Variants in SGCD observed in about 807,000 individuals in gnomAD.
The protein encoded by SGCD is delta-sarcoglycan.
SGCD carries 18 observed loss-of-function variants against 36.6 expected under a neutral mutation model. The observed-to-expected ratio is 0.49, with a 90% CI of 0.34 to 0.73. SGCD has a LOEUF of 0.73. Among genes scored for constraint, SGCD ranks in the 30% least tolerant of loss-of-function variants. SGCD has a pLI of 0.01. For missense variants in SGCD, 387 were observed against 346.7 expected (o/e 1.12, Z -0.92); for synonymous variants, 133 against 130.6 (o/e 1.02, Z -0.12).
At position 156,053,479 on chromosome 5, in the gene SGCD, T is replaced by C. The variant is rs1759974303; in HGVS notation, c.-281-64399T>C. On this transcript the variant is annotated intron_variant, in intron 1 of 9. Transcript: ENST00000517913. ...AAACTCCAAGCACTCAGTATGCTCC[T>C]TTGTCCCATTGAACTTCACTTATAA... Among the ~76,000 whole-genome samples, 2 of 146,212 alleles carry C rather than the reference T, an allele frequency of 1.4e-5. 1 individual carries two copies. Among genetic ancestry groups the C allele is most frequent in the Non-Finnish European group, 3.1e-5 (2 of 64,818 alleles).
chr5:156,239,875 G>A (rs183515199), intron 3 of SGCD, among the ~76,000 whole-genome samples: 333 of 152,302 alleles, frequency 2.2e-3, no homozygotes, highest in Non-Finnish European at 3.6e-3. Context: ...AACTACTCTA[G>A]TAGTTTGCTG....
At chr5:155,899,178 C>G (rs530824106) in intron 1 of SGCD, among the ~76,000 whole-genome samples, 1 of 152,306 alleles carries the variant, frequency 6.6e-6, no homozygotes, top group South Asian at 2.1e-4. Context: ...CCATTCTGAT[C>G]ATAACTTCAG....
chr5:156,098,637 T>TACACACAC (rs1347246031), intron 1 of SGCD, among the ~76,000 whole-genome samples: 3 of 119,286 alleles, frequency 2.5e-5, no homozygotes, highest in Non-Finnish European at 4.9e-5. Context: ...GTTGCATGTG[T>TACACACAC]ATACACACAC....
At chr5:156,193,633 A>T (rs931124518) in intron 3 of SGCD, among the ~76,000 whole-genome samples, 1 of 152,140 alleles carries the variant, frequency 6.6e-6, no homozygotes, top group African/African-American at 2.4e-5. Context: ...ACGTCTTGTT[A>T]CAGGATTCTC....
chr5:156,678,875 G>A (rs1485301151), intron 7 of SGCD, among the ~76,000 whole-genome samples: 1 of 152,150 alleles, frequency 6.6e-6, no homozygotes, highest in Non-Finnish European at 1.5e-5. Context: ...CCACACCTGA[G>A]AAACCCACAA....
chr5:156,169,594 C>T (rs753667822), intron 3 of SGCD, among the ~76,000 whole-genome samples: 23 of 151,912 alleles, frequency 1.5e-4, no homozygotes, highest in Non-Finnish European at 3.2e-4. Context: ...ATATAAGATG[C>T]CAGGTGATGA....
chr5:156,568,139 C>T (rs964629387), intron 4 of SGCD, among the ~76,000 whole-genome samples: 15 of 152,130 alleles, frequency 9.9e-5, no homozygotes, highest in African/African-American at 2.7e-4. Flanking sequence ...CCTATAATCC[C>T]AGCACTTTAG....
At chr5:155,924,913 A>G (rs1756964893) in intron 1 of SGCD, among the ~76,000 whole-genome samples, 1 of 152,206 alleles carries the variant, frequency 6.6e-6, no homozygotes, top group Non-Finnish European at 1.5e-5. Context: ...CTCTCTGAAA[A>G]GATTTGAGGA....
At chr5:156,706,341 T>C (rs972444361) in intron 7 of SGCD, among the ~76,000 whole-genome samples, 3 of 152,158 alleles carry the variant, frequency 2.0e-5, no homozygotes, top group Non-Finnish European at 2.9e-5. Flanking sequence ...GTTGGGTCCT[T>C]GTCATTCTCC....
intron 3 of SGCD, among the ~76,000 whole-genome samples, chr5:156,252,815 G>A (rs1217177202): frequency 6.6e-6 from 1 of 152,148 alleles, no homozygotes; most frequent in Non-Finnish European, 1.5e-5. Flanking sequence ...GGAAGATGCA[G>A]CCTATTTATC....
At chr5:156,562,025 A>G (rs1759285001) in intron 4 of SGCD, among the ~76,000 whole-genome samples, 1 of 152,198 alleles carries the variant, frequency 6.6e-6, no homozygotes, top group Non-Finnish European at 1.5e-5. Context: ...ATGACTCTTC[A>G]TATATTCTTT....
At chr5:156,343,494 G>A (rs1768775933) in intron 2 of SGCD, among the ~76,000 whole-genome samples, 1 of 152,144 alleles carries the variant, frequency 6.6e-6, no homozygotes, top group Non-Finnish European at 1.5e-5. Flanking sequence ...TTATTTTCCA[G>A]TTTGAGTGAT....
chr5:156,171,156 T>G (rs1272751976), intron 3 of SGCD, among the ~76,000 whole-genome samples: 1 of 152,192 alleles, frequency 6.6e-6, no homozygotes, highest in Non-Finnish European at 1.5e-5. Context: ...TAATTTAAGG[T>G]GCTCATATCT....
intron 3 of SGCD, among the ~76,000 whole-genome samples, chr5:156,245,051 T>C (rs1765407611): frequency 6.6e-6 from 1 of 152,222 alleles, no homozygotes; most frequent in African/African-American, 2.4e-5. Flanking sequence ...TGTTTCACCA[T>C]TGTATTCCCA....
chr5:156,452,420 A>G (rs1754060750), intron 3 of SGCD, among the ~76,000 whole-genome samples: 1 of 152,152 alleles, frequency 6.6e-6, no homozygotes, highest in African/African-American at 2.4e-5. Context: ...CCCTTTTCTA[A>G]GATTATACAA....
intron 4 of SGCD, among the ~76,000 whole-genome samples, chr5:156,578,273 A>G (rs964649065): frequency 1.3e-5 from 2 of 152,206 alleles, no homozygotes; most frequent in South Asian, 2.1e-4. Context: ...CCACTTGATC[A>G]TGGTGGATAA....
At chr5:155,851,441 C>G in the SGCD span, among the ~76,000 whole-genome samples, 1 of 152,050 alleles carries the variant, frequency 6.6e-6, no homozygotes, top group Admixed American at 6.6e-5. Context: ...CTGGCTGCCT[C>G]GAGCAACTCA....
At chr5:156,404,860 C>T (rs1038246952) in intron 3 of SGCD, among the ~76,000 whole-genome samples, 2 of 152,116 alleles carry the variant, frequency 1.3e-5, no homozygotes, top group Non-Finnish European at 2.9e-5. Context: ...GATCCTTGCT[C>T]CCTGGAGTAA....
chr5:156,583,290 A>G (rs17053635), intron 4 of SGCD, among the ~76,000 whole-genome samples: 6,420 of 152,178 alleles, frequency 0.042, 208 homozygotes, highest in East Asian at 0.17. Context: ...TCTGCCTTCA[A>G]ATATTCACTC....
Sources: gnomAD v4.1 joint callset for allele counts (sites outside exome capture counted in the v4.1 genomes callset) on GRCh38, gnomAD v4.1.1 for gene constraint, MANE v1.5 for transcripts, NCBI Gene and HGNC (gene_info 2026-07-23, HGNC 2026-07-21) for gene names.